AMOTL1: variants seen among roughly 807,000 people sequenced by gnomAD.
AMOTL1 encodes the protein angiomotin like 1, also known as angiomotin-like protein 1.
In AMOTL1, 45 loss-of-function variants were observed where a neutral mutation model predicts 102.9. The ratio of observed to expected loss-of-function variants is 0.44; its 90% CI spans 0.34 to 0.56. AMOTL1 has a LOEUF of 0.56. Among genes scored for constraint, AMOTL1 ranks in the 20% least tolerant of loss-of-function variants. AMOTL1 has a pLI of 0.01. For synonymous variants in AMOTL1, 481 were observed against 484.7 expected, an observed-to-expected ratio of 0.99 and a Z score of 0.10; for missense variants, 1,114 against 1,225.6, an observed-to-expected ratio of 0.91 and a Z score of 1.36.
chr11:94,850,300 G>A, intron 7 of AMOTL1, 41 bp downstream of exon 7: 1 of 1,561,618 alleles, frequency 6.4e-7, no homozygotes, highest in South Asian at 1.2e-5. Context: ...AAGAGGGCAA[G>A]CAGAGCCCAG....
At chr11:94,726,190 A>G (rs1162876553) in intron 1 of AMOTL1, among the ~76,000 whole-genome samples, 1 of 152,192 alleles carries the variant, frequency 6.6e-6, no homozygotes, top group African/African-American at 2.4e-5. Context: ...TGTCAGTTTC[A>G]GGAGAGTTCT....
chr11:94,815,157 A>G (rs1951743790), intron 3 of AMOTL1, among the ~76,000 whole-genome samples: 1 of 152,218 alleles, frequency 6.6e-6, no homozygotes. Context: ...AACATAAATT[A>G]TCGTTTAGAT....
chr11:94,795,682 A>C (rs1468537959), intron 2 of AMOTL1, among the ~76,000 whole-genome samples: 1 of 152,210 alleles, frequency 6.6e-6, no homozygotes, highest in African/African-American at 2.4e-5. Flanking sequence ...TTCTTGCTAA[A>C]TATGCTTATA....
chr11:94,743,992 TGTGG>T (rs1950561250), intron 3 of AMOTL1, among the ~76,000 whole-genome samples: 1 of 152,178 alleles, frequency 6.6e-6, no homozygotes, highest in Non-Finnish European at 1.5e-5. Context: ...ACACCCAATG[TGTGG>T]GTTTTCCACA....
At position 94,869,460 on chromosome 11, in the gene AMOTL1, C is replaced by T. The variant is rs769634856; in HGVS notation, c.2751C>T (p.Thr917=). 53 of 1,599,398 alleles carry T rather than the reference C, an allele frequency of 3.3e-5. No homozygotes were observed. The highest frequency in any genetic ancestry group is 1.0e-4 in the Admixed American group (6 of 58,184). ...PVLKHPAAKG[T]AEKLENSPGH... is the part of the protein sequence containing the mutation. ...TGAAACACCCAGCGGCCAAAGGGAC[C>T]GCAGAGAAACTGGGTATGTGGGCTA... The change falls in exon 12 of 13, where the codon ACC becomes ACT. Residue 917 remains threonine (T), a synonymous_variant. Coordinates refer to ENST00000433060, the MANE Select transcript of AMOTL1 (RefSeq NM_130847.3).
At chr11:94,768,289 T>C, upstream of AMOTL1, 5 of 1,335,218 alleles carry the variant, frequency 3.7e-6, no homozygotes, top group South Asian at 1.8e-5. Context: ...TGTAGGGTTC[T>C]AGTGACGAGC....
At chr11:94,822,250 C>T (rs767453940) in intron 4 of AMOTL1, among the ~76,000 whole-genome samples, 1 of 152,142 alleles carries the variant, frequency 6.6e-6, no homozygotes, top group Admixed American at 6.5e-5. Context: ...GAGTTTGAGA[C>T]CAGCCTGGGC....
chr11:94,866,135 A>G lies in AMOTL1; in HGVS notation c.2455A>G (p.Lys819Glu). The stretch of plus-strand genomic sequence containing the variant: ...TACCAGCAGCCAGCTGGCTGAGGAA[A>G]AGAAGGAAGAGAAGACCTGGAAGGG... ...SLTSSQLAEE[K>E]KEEKTWKGSI... is the part of the protein sequence containing the mutation. The change falls in exon 11 of 13, where the codon AAG (lysine) becomes GAG (glutamate). Residue 819 changes from lysine to glutamate, a missense_variant. Lys to Glu is a moderately conservative substitution (Grantham distance 56, BLOSUM62 1). Transcript: ENST00000433060. The G allele has an allele frequency of 6.2e-7, 1 of 1,614,018 alleles. No homozygotes were observed. Among genetic ancestry groups the G allele is most frequent in the African/African-American group, 1.3e-5 (1 of 75,044 alleles).
At chr11:94,742,207 C>T (rs545818351) in intron 3 of AMOTL1, among the ~76,000 whole-genome samples, 204 of 152,336 alleles carry the variant, frequency 1.3e-3, no homozygotes, top group African/African-American at 4.8e-3. Context: ...GCTTTTAAGA[C>T]ATACTGTGGT....
intron 3 of AMOTL1, among the ~76,000 whole-genome samples, chr11:94,811,256 G>C (rs1028814034): frequency 2.0e-5 from 3 of 152,088 alleles, no homozygotes; most frequent in African/African-American, 7.2e-5. Context: ...ACTTTGGGAG[G>C]CTGCAGCAGG....
chr11:94,842,092 T>C (rs1952314158), intron 6 of AMOTL1, among the ~76,000 whole-genome samples: 1 of 152,220 alleles, frequency 6.6e-6, no homozygotes, highest in African/African-American at 2.4e-5. Flanking sequence ...GTGGTTAGGC[T>C]TTGTTACTTT....
chr11:94,839,871 A>G (rs1952261319), intron 6 of AMOTL1, among the ~76,000 whole-genome samples: 1 of 152,190 alleles, frequency 6.6e-6, no homozygotes, highest in Non-Finnish European at 1.5e-5. Context: ...ATTGGTTGCT[A>G]ATTATTTAGC....
intron 1 of AMOTL1, among the ~76,000 whole-genome samples, chr11:94,771,982 A>G (rs921417276): frequency 6.6e-6 from 1 of 152,088 alleles, no homozygotes; most frequent in Non-Finnish European, 1.5e-5. Flanking sequence ...GCAGCTATAT[A>G]CCTCTATTTT....
intron 2 of AMOTL1, among the ~76,000 whole-genome samples, chr11:94,731,457 CAG>C (rs1250049464): frequency 6.6e-6 from 1 of 152,094 alleles, no homozygotes; most frequent in Non-Finnish European, 1.5e-5. Flanking sequence ...CCTCAGAGGA[CAG>C]AGTCAGGTGC....
intron 3 of AMOTL1, among the ~76,000 whole-genome samples, chr11:94,801,051 A>C (rs1399607028): frequency 6.6e-6 from 1 of 152,220 alleles, no homozygotes; most frequent in African/African-American, 2.4e-5. Flanking sequence ...GCATCTGAAC[A>C]GATCATTGCC....
chr11:94,785,047 C>T (rs1951164200), intron 1 of AMOTL1, among the ~76,000 whole-genome samples: 1 of 151,950 alleles, frequency 6.6e-6, no homozygotes, highest in Admixed American at 6.6e-5. Context: ...CATCAATTGT[C>T]TTGGTGTTCT....
intron 1 of AMOTL1, among the ~76,000 whole-genome samples, chr11:94,785,717 C>T (rs556821739): frequency 1.3e-5 from 2 of 152,136 alleles, no homozygotes; most frequent in South Asian, 4.1e-4. Flanking sequence ...TAATAGGGTC[C>T]GGAAAGCTGG....
At chr11:94,817,711 T>C (rs1404948979) in intron 3 of AMOTL1, among the ~76,000 whole-genome samples, 2 of 152,216 alleles carry the variant, frequency 1.3e-5, no homozygotes, top group Non-Finnish European at 2.9e-5. Context: ...TAATCAGCTA[T>C]AGGACTCTGA....
At chr11:94,765,779 C>T (rs547650019), upstream of AMOTL1, among the ~76,000 whole-genome samples, 14 of 152,320 alleles carry the variant, frequency 9.2e-5, no homozygotes, top group African/African-American at 2.6e-4. Context: ...TCTCCAGATT[C>T]TTCCTCTTCT....
Sources: gnomAD v4.1 joint callset for allele counts (sites outside exome capture counted in the v4.1 genomes callset) on GRCh38, gnomAD v4.1.1 for gene constraint, MANE v1.5 for transcripts, NCBI Gene and HGNC (gene_info 2026-07-23, HGNC 2026-07-21) for gene names.